EHMT1: variants seen among roughly 807,000 people sequenced by gnomAD.
The protein encoded by EHMT1 is histone-lysine N-methyltransferase EHMT1.
A neutral mutation model predicts 147.2 loss-of-function variants in EHMT1; 15 were observed. The ratio of observed to expected loss-of-function variants is 0.10; its 90% CI spans 0.07 to 0.16. The LOEUF (loss-of-function observed/expected upper bound fraction) is 0.16, where lower values mean the gene tolerates loss of function less well. Ranked by LOEUF, EHMT1 falls within the 10% of genes least tolerant of loss-of-function variation. The probability of loss-of-function intolerance (pLI) is 1.00; values close to 1 mark genes in which losing one functional copy is unlikely to be tolerated. For missense variants in EHMT1, 1,587 were observed against 1,772.4 expected (o/e 0.90, Z 1.88); for synonymous variants, 795 against 709.6 (o/e 1.12, Z -1.91).
intron 21 of EHMT1, 193 bp from the exon 22 acceptor site, chr9:137,814,238 C>T: frequency 3.0e-6 from 2 of 671,984 alleles, no homozygotes; most frequent in Non-Finnish European, 5.4e-6. Flanking sequence ...TCAGCCAGAG[C>T]TCCCTCCCAC....
intron 1 of EHMT1, among the ~76,000 whole-genome samples, chr9:137,671,315 G>GT (rs1018093000): frequency 6.6e-5 from 10 of 152,034 alleles, no homozygotes; most frequent in South Asian, 4.1e-4. Context: ...ATATAATAAA[G>GT]TTTTTTTACA....
rs778771121 is a variant in EHMT1, at chr9:137,756,047, G to A, written c.1369+1756G>A. Reference sequence around the variant, plus strand: ...ATTTAGAAGAGCAAACGTTTTTAAGGTTTTCTTGAAGTCCAAGTTACGAGT... The same window carrying A: ...ATTTAGAAGAGCAAACGTTTTTAAGATTTTCTTGAAGTCCAAGTTACGAGT... On this transcript the variant is annotated intron_variant, in intron 8 of 26. Coordinates refer to ENST00000460843, the MANE Select transcript of EHMT1 (RefSeq NM_024757.5). 3.9e-5 allele frequency among the ~76,000 whole-genome samples: 6 copies of A among 152,178 alleles called. No homozygotes were observed. In the South Asian group the frequency reaches 1.2e-3, roughly 32 times the overall value.
intron 12 of EHMT1, chr9:137,777,183 G>A (rs1951025406): frequency 1.2e-5 from 4 of 332,488 alleles, no homozygotes; most frequent in Non-Finnish European, 1.1e-5. Context: ...CTGTGACCGA[G>A]TTCTGTGGTA....
intron 14 of EHMT1, 109 bp downstream of exon 14, chr9:137,779,826 C>T: frequency 7.2e-6 from 9 of 1,256,014 alleles, no homozygotes; most frequent in Non-Finnish European, 1.0e-5. Flanking sequence ...TTTTGGTTTT[C>T]TGTTTCTGTG....
rs183807858 is a variant in EHMT1 at position 137,748,324 on chromosome 9, A to G, written c.1171-4007A>G. On this transcript the variant is annotated intron_variant, in intron 6 of 26. Coordinates refer to ENST00000460843, the MANE Select transcript of EHMT1 (RefSeq NM_024757.5). Reference sequence around the variant, plus strand: ...AACGTTCTTTATGGTTCTTGGTGCTATTTCAGAGTGTGCGGGGCCTTAGGC... The same window carrying G: ...AACGTTCTTTATGGTTCTTGGTGCTGTTTCAGAGTGTGCGGGGCCTTAGGC... Among the ~76,000 whole-genome samples the G allele has an allele frequency of 4.5e-4, 68 of 152,286 alleles. No individual in the cohort carries two copies. In the East Asian group the frequency reaches 0.012, roughly 27 times the overall value.
intron 3 of EHMT1, 23 bp from the exon 4 acceptor site, chr9:137,728,326 T>G: frequency 6.2e-7 from 1 of 1,614,200 alleles, no homozygotes; most frequent in Non-Finnish European, 8.5e-7. Flanking sequence ...CAGTTATAGT[T>G]ATTCACTGTC....
At chr9:137,735,667 T>C (rs1260974299) in intron 4 of EHMT1, among the ~76,000 whole-genome samples, 1 of 152,216 alleles carries the variant, frequency 6.6e-6, no homozygotes, top group Non-Finnish European at 1.5e-5. Context: ...ATCCCCAATA[T>C]GGCAGTGTTG....
At chr9:137,624,962 A>G (rs1018873813) in intron 1 of EHMT1, among the ~76,000 whole-genome samples, 3 of 149,958 alleles carry the variant, frequency 2.0e-5, no homozygotes, top group Non-Finnish European at 4.4e-5. Context: ...GTTCACCGCA[A>G]CCTCCACCTC....
intron 1 of EHMT1, among the ~76,000 whole-genome samples, chr9:137,636,406 C>T (rs896072240): frequency 2.0e-5 from 3 of 152,026 alleles, no homozygotes; most frequent in African/African-American, 4.8e-5. Flanking sequence ...TTTTGTCCTT[C>T]CCTAATTGCC....
intron 1 of EHMT1, among the ~76,000 whole-genome samples, chr9:137,622,884 G>T (rs1004390845): frequency 6.7e-6 from 1 of 149,860 alleles, no homozygotes; most frequent in African/African-American, 2.5e-5. Context: ...TGCAGCCTGG[G>T]TGACAGAGCA....
At chr9:137,628,079 T>C (rs900054111) in intron 1 of EHMT1, among the ~76,000 whole-genome samples, 2 of 152,204 alleles carry the variant, frequency 1.3e-5, no homozygotes, top group African/African-American at 4.8e-5. Flanking sequence ...AGTACTTGCT[T>C]GAGGAGGAGA....
At chr9:137,811,382 G>C (rs1350055297) in intron 18 of EHMT1, 79 bp from the exon 19 acceptor site, 1 of 1,596,592 alleles carries the variant, frequency 6.3e-7, no homozygotes, top group African/African-American at 1.3e-5. Context: ...GGGCACATGG[G>C]CTGCAGCTGC....
chr9:137,621,953 CTTTT>C (rs1282210861), intron 1 of EHMT1, among the ~76,000 whole-genome samples: 2 of 137,300 alleles, frequency 1.5e-5, no homozygotes, highest in African/African-American at 5.4e-5. Context: ...TTTTTTTTTT[CTTTT>C]TATTTTTTTC....
intron 9 of EHMT1, among the ~76,000 whole-genome samples, chr9:137,759,128 T>G (rs1949609901): frequency 6.8e-6 from 1 of 146,870 alleles, no homozygotes; most frequent in Non-Finnish European, 1.5e-5. Flanking sequence ...CCGTCTCAAT[T>G]AAAAAAAAAA....
chr9:137,651,862 G>A (rs1224618971), intron 1 of EHMT1, among the ~76,000 whole-genome samples: 3 of 152,138 alleles, frequency 2.0e-5, no homozygotes, highest in African/African-American at 7.2e-5. Context: ...TAAAGCTCTA[G>A]CAATAGGCAT....
chr9:137,818,014 G>A (rs1287637677), intron 24 of EHMT1, 46 bp from the exon 25 acceptor site: 2 of 1,597,430 alleles, frequency 1.3e-6, no homozygotes, highest in Non-Finnish European at 1.7e-6. Flanking sequence ...TCTGTGGGCA[G>A]TGCTCGCTGC....
intron 1 of EHMT1, among the ~76,000 whole-genome samples, chr9:137,660,465 G>A (rs1434786763): frequency 6.6e-6 from 1 of 152,116 alleles, no homozygotes; most frequent in Non-Finnish European, 1.5e-5. Flanking sequence ...GGGGGTTTCT[G>A]TTTTGTTTCT....
chr9:137,651,692 G>A (rs1937837191), intron 1 of EHMT1, among the ~76,000 whole-genome samples: 1 of 152,194 alleles, frequency 6.6e-6, no homozygotes, highest in Non-Finnish European at 1.5e-5. Flanking sequence ...CTACTTGGGA[G>A]GCTGAGGCAG....
At chr9:137,801,287 C>T (rs1412853148) in intron 18 of EHMT1, among the ~76,000 whole-genome samples, 2 of 152,190 alleles carry the variant, frequency 1.3e-5, no homozygotes, top group Non-Finnish European at 2.9e-5. Flanking sequence ...GACCCTGGTG[C>T]GGGTGCCACA....
Sources: allele counts gnomAD v4.1 joint callset (sites outside exome capture counted in the v4.1 genomes callset), GRCh38; gene constraint gnomAD v4.1.1; transcripts MANE v1.5; gene names NCBI Gene and HGNC (gene_info 2026-07-23, HGNC 2026-07-21).